Variants in BFAR observed in about 807,000 individuals in gnomAD.
BFAR encodes bifunctional apoptosis regulator, also known as RING finger protein 47.
In BFAR, 52 loss-of-function variants were observed where a neutral mutation model predicts 54.4. The observed-to-expected ratio is 0.96, with a 90% CI of 0.77 to 1.21. BFAR has a LOEUF of 1.21. BFAR is among the 50% of genes most tolerant of loss of function. The probability of loss-of-function intolerance (pLI) is 0.00; values close to 1 mark genes in which losing one functional copy is unlikely to be tolerated. For synonymous variants in BFAR, 215 were observed against 204.3 expected, an observed-to-expected ratio of 1.05 and a Z score of -0.45; for missense variants, 571 against 534.0, an observed-to-expected ratio of 1.07 and a Z score of -0.68.
At chr16:14,645,346 G>A (rs1043579241) in intron 2 of BFAR, among the ~76,000 whole-genome samples, 3 of 151,980 alleles carry the variant, frequency 2.0e-5, no homozygotes, top group African/African-American at 7.2e-5. Flanking sequence ...AAAGCAAATG[G>A]TATAACTGTA....
chr16:14,647,115 C>T (rs1301214403), intron 2 of BFAR, among the ~76,000 whole-genome samples: 4 of 151,448 alleles, frequency 2.6e-5, no homozygotes, highest in Non-Finnish European at 4.4e-5. Flanking sequence ...GACAGAGTCT[C>T]GCTCTGTTGC....
intron 5 of BFAR, 74 bp downstream of exon 5, chr16:14,655,284 G>A: frequency 9.1e-7 from 1 of 1,098,120 alleles, no homozygotes; most frequent in Non-Finnish European, 1.2e-6. Context: ...TAATTTCAGG[G>A]TTTTCTTTTT....
chr16:14,659,552 A>G (rs765140923), intron 5 of BFAR, among the ~76,000 whole-genome samples: 6 of 140,780 alleles, frequency 4.3e-5, no homozygotes, highest in African/African-American at 1.1e-4. Flanking sequence ...CCTCTATAGT[A>G]TACTTCTTTT....
At chr16:14,663,362 C>T (rs1596994366) in intron 6 of BFAR, among the ~76,000 whole-genome samples, 2 of 151,114 alleles carry the variant, frequency 1.3e-5, no homozygotes, top group Admixed American at 6.6e-5. Flanking sequence ...GACAGAGTCT[C>T]GCCCTGTCGC....
At chr16:14,659,882 C>A (rs1596990549) in intron 5 of BFAR, among the ~76,000 whole-genome samples, 1 of 152,146 alleles carries the variant, frequency 6.6e-6, no homozygotes, top group African/African-American at 2.4e-5. Context: ...GAGAAAGAAT[C>A]TTTTTAAAAA....
intron 1 of BFAR, among the ~76,000 whole-genome samples, chr16:14,643,224 T>G (rs1030523095): frequency 1.3e-5 from 2 of 151,820 alleles, no homozygotes; most frequent in African/African-American, 2.4e-5. Context: ...AAGGCAGAAT[T>G]GCTTGAACCT....
chr16:14,648,604 A>G lies in BFAR; in HGVS notation c.468+12A>G, dbSNP rs775273522. ...TAACTGGAGTGGCAGTAAGTTGATC[A>G]CTGTGTTCCTCTGTGCCCCCCCACA... On this transcript the variant is annotated intron_variant, in intron 3 of 7. Coordinates refer to ENST00000261658, the MANE Select transcript of BFAR (RefSeq NM_016561.3). 4 of 1,605,332 alleles carry G rather than the reference A, an allele frequency of 2.5e-6. No individual in the cohort carries two copies. In the East Asian group the frequency reaches 6.7e-5, roughly 27 times the overall value.
chr16:14,639,527 C>A (rs1035382975), intron 1 of BFAR, among the ~76,000 whole-genome samples: 1 of 152,048 alleles, frequency 6.6e-6, no homozygotes, highest in Non-Finnish European at 1.5e-5. Flanking sequence ...AGGCTTGTCT[C>A]GAATTCCTAA....
intron 5 of BFAR, among the ~76,000 whole-genome samples, chr16:14,659,188 C>T (rs1376278898): frequency 6.6e-6 from 1 of 151,640 alleles, no homozygotes; most frequent in Non-Finnish European, 1.5e-5. Flanking sequence ...GGATTATAGG[C>T]GTGAGCCACC....
In BFAR at chr16:14,638,774, A is replaced by G. The variant is rs564260791; in HGVS notation, c.-73-5500A>G. Among the ~76,000 whole-genome samples, 9 of 152,206 alleles carry G rather than the reference A, an allele frequency of 5.9e-5. No individual in the cohort carries two copies. The Middle Eastern group carries it at 0.02, about 345-fold the overall frequency. ...CAGTCTGGCCAACGTGGCAAACCCC[A>G]TCTCTATTAAAAATACAAAAATTAG... is the stretch of plus-strand genomic sequence containing the variant. On this transcript the variant is annotated intron_variant, in intron 1 of 7. Transcript: ENST00000261658.
rs146121141 is a variant in BFAR at position 14,667,674 on chromosome 16, A to G, written c.1200A>G (p.Val400=). ...GGATGTGGAGCCATTTCTGGAAAGT[A>G]TCAACGCAGGGGCTTTTTGTGGCCA... ...PQRMWSHFWK[V]STQGLFVAMF... is the part of the protein sequence containing the mutation. The change falls in exon 8 of 8, where the codon GTA becomes GTG. Residue 400 remains valine (V), a synonymous_variant. Coordinates refer to ENST00000261658, the MANE Select transcript of BFAR (RefSeq NM_016561.3). The G allele has an allele frequency of 5.4e-5, 87 of 1,614,072 alleles. No homozygotes were observed. The African/African-American group carries it at 1.1e-3, about 20-fold the overall frequency.
intron 3 of BFAR, 140 bp from the exon 4 acceptor site, chr16:14,649,664 T>TGGTTGCCCTGCTTC: frequency 1.4e-6 from 1 of 695,794 alleles, no homozygotes; most frequent in South Asian, 2.7e-5. Flanking sequence ...TGCCCTGCTT[T>TGGTTGCCCTGCTTC]TGTTGCCCTG....
At chr16:14,643,794 T>TA (rs1473732961) in intron 1 of BFAR, 1 of 151,878 alleles carries the variant, frequency 6.6e-6, no homozygotes, top group Non-Finnish European at 1.5e-5. Context: ...GCTTTAGTAT[T>TA]ACAACTCCTT....
intron 5 of BFAR, among the ~76,000 whole-genome samples, chr16:14,655,738 C>G (rs528138813): frequency 6.6e-6 from 1 of 152,238 alleles, no homozygotes; most frequent in East Asian, 1.9e-4. Flanking sequence ...CCGCGCCTGG[C>G]CTGTTTTACA....
rs1013025965 is a variant in BFAR, at chr16:14,649,687, G to A, written c.469-117G>A. 1.8e-5 allele frequency: 16 copies of A among 897,790 alleles called. No individual in the cohort carries two copies. The African/African-American group carries it at 2.5e-4, about 14-fold the overall frequency. 55.6% of individuals were successfully genotyped at this position (897,790 alleles called of 1,614,324 possible). A position where few individuals can be genotyped will look rare whatever the true frequency, so the allele number is the denominator to read the frequency against. On this transcript the variant is annotated intron_variant, in intron 3 of 7. Coordinates refer to ENST00000261658, the MANE Select transcript of BFAR (RefSeq NM_016561.3). Reference sequence around the variant, plus strand: ...TTTTGTTGCCCTGCTTCTGTGTACGGGCTCCGCATCATTCCCTGTGAGCTC... The same window carrying A: ...TTTTGTTGCCCTGCTTCTGTGTACGAGCTCCGCATCATTCCCTGTGAGCTC...
At chr16:14,659,878 G>C (rs1960241944) in intron 5 of BFAR, among the ~76,000 whole-genome samples, 1 of 152,182 alleles carries the variant, frequency 6.6e-6, no homozygotes, top group South Asian at 2.1e-4. Flanking sequence ...TAAAGAGAAA[G>C]AATCTTTTTA....
chr16:14,667,834 C>G lies in BFAR; in HGVS notation c.*7C>G. The G allele has an allele frequency of 1.9e-6, 3 of 1,612,780 alleles. No homozygotes were observed. The highest frequency in any genetic ancestry group is 2.5e-6 in the Non-Finnish European group (3 of 1,178,822). On this transcript the variant is annotated 3_prime_UTR_variant, in exon 8 of 8. Transcript: ENST00000261658. The stretch of plus-strand genomic sequence containing the variant: ...GGAAACCCAGGTGTTGTGACTGGCA[C>G]TGCCCAGGCTGAGACTCTTCAAGTC...
intron 2 of BFAR, among the ~76,000 whole-genome samples, chr16:14,648,062 A>G (rs1959853494): frequency 6.6e-6 from 1 of 152,140 alleles, no homozygotes; most frequent in Non-Finnish European, 1.5e-5. Context: ...CAACATAGTG[A>G]AACCCTATCT....
intron 7 of BFAR, among the ~76,000 whole-genome samples, chr16:14,665,659 C>T (rs548631090): frequency 9.9e-5 from 15 of 152,248 alleles, no homozygotes; most frequent in African/African-American, 3.4e-4. Flanking sequence ...AGTAAGAGAA[C>T]ATCAAGGCTG....
Sources: gnomAD v4.1 joint callset for allele counts (sites outside exome capture counted in the v4.1 genomes callset) on GRCh38, gnomAD v4.1.1 for gene constraint, MANE v1.5 for transcripts, NCBI Gene and HGNC (gene_info 2026-07-23, HGNC 2026-07-21) for gene names.